Variants in PTPRR observed in about 807,000 individuals in gnomAD.
The protein encoded by PTPRR is protein tyrosine phosphatase receptor type R, also known as receptor-type tyrosine-protein phosphatase R.
A neutral mutation model predicts 77.2 loss-of-function variants in PTPRR; 38 were observed. The ratio of observed to expected loss-of-function variants is 0.49; its 90% CI spans 0.38 to 0.65. The LOEUF is 0.65. PTPRR is among the 30% of genes least tolerant of loss of function. The pLI, the probability that PTPRR is intolerant of heterozygous loss-of-function variation, is 0.00. For synonymous variants in PTPRR, 299 were observed against 283.1 expected (o/e 1.06, Z -0.57); for missense variants, 744 against 799.2 (o/e 0.93, Z 0.83).
At chr12:70,823,152 CACAG>C (rs1892051373) in intron 2 of PTPRR, among the ~76,000 whole-genome samples, 1 of 137,078 alleles carries the variant, frequency 7.3e-6, no homozygotes, top group Admixed American at 7.6e-5. Context: ...CACACACACA[CACAG>C]AGTTGTCGTT....
chr12:70,730,870 G>A (rs1346422607), intron 6 of PTPRR, among the ~76,000 whole-genome samples: 1 of 149,768 alleles, frequency 6.7e-6, no homozygotes, highest in Non-Finnish European at 1.5e-5. Context: ...GGAGGAAGGA[G>A]ATAGAGAAAG....
Position 70,656,714 on chromosome 12 carries a change from G to A in PTPRR, c.1870C>T (p.Arg624Cys), listed in dbSNP as rs1267660871. Residue 624 changes from arginine (R) to cysteine (C), a missense_variant, in exon 13 of 14, where the codon CGT becomes TGT. Transcript: ENST00000283228. ...CTCTGTGACACTCACCTATCCATAC[G>A]AAGCTGGCAGACAATGCTTAGTGCA... ...VDALSIVCQL[R>C]MDRGGMVQTS... 6 of 1,612,574 alleles carry A rather than the reference G, an allele frequency of 3.7e-6. No individual in the cohort carries two copies. Among genetic ancestry groups the A allele is most frequent in the Admixed American group, 1.7e-5 (1 of 60,004 alleles).
At chr12:70,797,871 C>G (rs1385874104) in intron 2 of PTPRR, among the ~76,000 whole-genome samples, 1 of 152,058 alleles carries the variant, frequency 6.6e-6, no homozygotes, top group Non-Finnish European at 1.5e-5. Flanking sequence ...TGCCTGGACA[C>G]TTTCTATTTC....
At chr12:70,651,670 C>A (rs1886400369) in intron 13 of PTPRR, among the ~76,000 whole-genome samples, 1 of 152,102 alleles carries the variant, frequency 6.6e-6, no homozygotes, top group Admixed American at 6.6e-5. Context: ...AACTCCTGGG[C>A]TCATTTGTTT....
chr12:70,826,502 A>G (rs78085073), intron 2 of PTPRR, among the ~76,000 whole-genome samples: 2,223 of 152,244 alleles, frequency 0.015, 59 homozygotes, highest in African/African-American at 0.05. Context: ...CTTGCTATAA[A>G]TCATATAGAA....
intron 2 of PTPRR, among the ~76,000 whole-genome samples, chr12:70,886,956 T>C (rs951637834): frequency 3.3e-5 from 5 of 152,220 alleles, no homozygotes; most frequent in African/African-American, 1.2e-4. Flanking sequence ...TCATAAGTAC[T>C]AAGAAGAAAA....
intron 1 of PTPRR, among the ~76,000 whole-genome samples, chr12:70,893,283 A>G (rs1435503083): frequency 6.6e-6 from 1 of 151,958 alleles, no homozygotes; most frequent in South Asian, 2.1e-4. Context: ...CATAGTTTCA[A>G]TACCTACTTG....
chr12:70,874,336 C>T (rs1893012476), intron 2 of PTPRR, among the ~76,000 whole-genome samples: 1 of 152,110 alleles, frequency 6.6e-6, no homozygotes, highest in African/African-American at 2.4e-5. Context: ...TGGAGTCAGG[C>T]ACAGGTGGCG....
chr12:70,780,757 G>A (rs1233258027), intron 2 of PTPRR, among the ~76,000 whole-genome samples: 1 of 152,158 alleles, frequency 6.6e-6, no homozygotes, highest in Non-Finnish European at 1.5e-5. Flanking sequence ...CTGTGTGGTA[G>A]CAGTTTTAAT....
intron 4 of PTPRR, 51 bp downstream of exon 4, chr12:70,761,420 G>A: frequency 6.9e-7 from 1 of 1,454,340 alleles, no homozygotes; most frequent in South Asian, 1.5e-5. Flanking sequence ...AATTACCATA[G>A]CATGCTAACT....
intron 3 of PTPRR, among the ~76,000 whole-genome samples, chr12:70,763,885 T>A (rs1565687154): frequency 6.6e-6 from 1 of 152,154 alleles, no homozygotes; most frequent in Non-Finnish European, 1.5e-5. Context: ...CCAGTGCAGA[T>A]GGGAACATGT....
At chr12:70,687,553 G>T (rs182715360) in intron 8 of PTPRR, among the ~76,000 whole-genome samples, 1 of 152,184 alleles carries the variant, frequency 6.6e-6, no homozygotes, top group East Asian at 1.9e-4. Context: ...ATAAATTCTG[G>T]AAATCAGTGG....
At position 70,794,600 on chromosome 12, in the gene PTPRR, G is replaced by T. The variant is rs148868372; in HGVS notation, c.358-29822C>A. 3.0e-3 allele frequency among the ~76,000 whole-genome samples: 464 copies of T among 152,268 alleles called. 3 individuals are homozygous for T. The highest frequency in any genetic ancestry group is 5.0e-3 in the Non-Finnish European group (342 of 68,020). ...AACTAACGAACACACACAAATGGAG[G>T]AAAAGACACGAGAGAAGACTCCCTT... On this transcript the variant is annotated intron_variant, in intron 2 of 13. Transcript: ENST00000283228.
chr12:70,640,754 G>A (rs1885968872), intron 13 of PTPRR, among the ~76,000 whole-genome samples: 2 of 152,118 alleles, frequency 1.3e-5, no homozygotes. Flanking sequence ...CTAGTTAATG[G>A]TAATAATAAA....
intron 6 of PTPRR, among the ~76,000 whole-genome samples, chr12:70,744,388 T>A (rs1890147063): frequency 6.6e-6 from 1 of 152,206 alleles, no homozygotes; most frequent in Non-Finnish European, 1.5e-5. Context: ...AGACCTACAT[T>A]GCCCATCAAG....
At chr12:70,643,771 C>G (rs1886096070) in intron 13 of PTPRR, among the ~76,000 whole-genome samples, 1 of 151,042 alleles carries the variant, frequency 6.6e-6, no homozygotes, top group Non-Finnish European at 1.5e-5. Context: ...CTTTTTCTTA[C>G]TTTTTTTTTC....
At chr12:70,811,225 G>A (rs934414318) in intron 2 of PTPRR, among the ~76,000 whole-genome samples, 13 of 152,024 alleles carry the variant, frequency 8.6e-5, no homozygotes, top group East Asian at 3.9e-4. Flanking sequence ...ATAATTTCAC[G>A]GGACATTATT....
chr12:70,879,094 G>A (rs1012180010), intron 2 of PTPRR, among the ~76,000 whole-genome samples: 1 of 152,160 alleles, frequency 6.6e-6, no homozygotes, highest in African/African-American at 2.4e-5. Context: ...ACACACCAGG[G>A]CCTGTTGTGG....
intron 4 of PTPRR, among the ~76,000 whole-genome samples, chr12:70,759,251 T>C (rs1278037803): frequency 1.3e-5 from 2 of 152,134 alleles, no homozygotes; most frequent in African/African-American, 2.4e-5. Flanking sequence ...ATTTGTTGAC[T>C]CAGTTTTGTT....
Sources: gnomAD v4.1 joint callset for allele counts (sites outside exome capture counted in the v4.1 genomes callset) on GRCh38, gnomAD v4.1.1 for gene constraint, MANE v1.5 for transcripts, NCBI Gene and HGNC (gene_info 2026-07-23, HGNC 2026-07-21) for gene names.